The following RFX3 variants were observed in gnomAD, a reference collection of about 807,000 sequenced individuals.
RFX3 encodes transcription factor RFX3.
Under a neutral mutation model 98.6 loss-of-function variants are expected in RFX3, and 14 were observed. That is an observed-to-expected ratio of 0.14 (90% CI 0.09 to 0.22). RFX3 has a LOEUF of 0.22. Ranked by LOEUF, RFX3 falls within the 10% of genes least tolerant of loss-of-function variation. The pLI, the probability that RFX3 is intolerant of heterozygous loss-of-function variation, is 1.00. For missense variants in RFX3, 639 were observed against 926.9 expected (o/e 0.69, Z 4.03); for synonymous variants, 383 against 328.4 (o/e 1.17, Z -1.80).
chr9:3,366,718 CTTTCT>C (rs1837222095), intron 2 of RFX3, among the ~76,000 whole-genome samples: 2 of 90,366 alleles, frequency 2.2e-5, no homozygotes, highest in Non-Finnish European at 2.3e-5. Context: ...TTCTTTCTTT[CTTTCT>C]TTCTTTCTTT....
intron 14 of RFX3, among the ~76,000 whole-genome samples, chr9:3,254,819 A>T (rs1441784547): frequency 6.6e-6 from 1 of 152,198 alleles, no homozygotes; most frequent in African/African-American, 2.4e-5. Flanking sequence ...TGCTGTATCA[A>T]GGGAAAACTT....
chr9:3,316,769 T>C (rs750836813), intron 4 of RFX3, among the ~76,000 whole-genome samples: 10 of 152,114 alleles, frequency 6.6e-5, no homozygotes, highest in African/African-American at 2.4e-4. Flanking sequence ...CCATTCACAA[T>C]TGCATCAAAG....
chr9:3,478,517 G>T (rs118138217), intron 1 of RFX3, among the ~76,000 whole-genome samples: 2 of 150,130 alleles, frequency 1.3e-5, no homozygotes, highest in Non-Finnish European at 3.0e-5. Context: ...TCATTTAAAA[G>T]ATTTCCTTAA....
At position 3,377,910 on chromosome 9, in the gene RFX3, T is replaced by C. The variant is rs192773851; in HGVS notation, c.117+17562A>G. Among the ~76,000 whole-genome samples, 33 of 152,330 alleles carry C rather than the reference T, an allele frequency of 2.2e-4. No homozygotes were observed. The East Asian group carries it at 6.4e-3, about 29-fold the overall frequency. On this transcript the variant is annotated intron_variant, in intron 2 of 16. Coordinates refer to ENST00000617270, the MANE Select transcript of RFX3 (RefSeq NM_001282116.2). ...CGGTAGTTTCTGAATTTTTTTATTATGTTTGCTTCTTAGTTAAAAATATTT... is the reference window on the plus strand; with the variant it reads ...CGGTAGTTTCTGAATTTTTTTATTACGTTTGCTTCTTAGTTAAAAATATTT...
At chr9:3,353,208 GA>G (rs1415012075) in intron 2 of RFX3, among the ~76,000 whole-genome samples, 15 of 135,824 alleles carry the variant, frequency 1.1e-4, no homozygotes, top group African/African-American at 4.0e-4. Context: ...GGGGTAGGGG[GA>G]GGGGGGAGGG....
intron 14 of RFX3, among the ~76,000 whole-genome samples, chr9:3,249,286 A>G (rs1326906188): frequency 2.0e-5 from 3 of 152,156 alleles, no homozygotes; most frequent in Non-Finnish European, 4.4e-5. Flanking sequence ...ATCAAATTGT[A>G]TGCATTCAAC....
intron 2 of RFX3, among the ~76,000 whole-genome samples, chr9:3,388,954 A>C (rs1212477386): frequency 6.6e-6 from 1 of 152,158 alleles, no homozygotes; most frequent in African/African-American, 2.4e-5. Flanking sequence ...AGACAGAGAT[A>C]GTAGAGAGGA....
At chr9:3,322,808 T>A (rs1831464027) in intron 4 of RFX3, among the ~76,000 whole-genome samples, 1 of 152,230 alleles carries the variant, frequency 6.6e-6, no homozygotes, top group Admixed American at 6.5e-5. Context: ...TCATTCTCTA[T>A]GATTTTTATC....
At chr9:3,373,607 T>G (rs1838098527) in intron 2 of RFX3, among the ~76,000 whole-genome samples, 1 of 152,100 alleles carries the variant, frequency 6.6e-6, no homozygotes, top group Non-Finnish European at 1.5e-5. Context: ...CCTGGCCCCT[T>G]CAGGAATAAA....
intron 16 of RFX3, among the ~76,000 whole-genome samples, chr9:3,227,287 A>G (rs1817890574): frequency 6.6e-6 from 1 of 152,190 alleles, no homozygotes; most frequent in Non-Finnish European, 1.5e-5. Flanking sequence ...GGGTAGTGAG[A>G]AAATGGACTG....
intron 5 of RFX3, 122 bp downstream of exon 5, chr9:3,301,424 G>A (rs1407834542): frequency 3.4e-6 from 2 of 591,150 alleles, no homozygotes; most frequent in South Asian, 2.7e-5. Flanking sequence ...GATCATAAGG[G>A]GCTGAGAAGG....
chr9:3,452,411 G>A (rs73387720), intron 1 of RFX3: 169 of 284,556 alleles, frequency 5.9e-4, no homozygotes, highest in African/African-American at 3.4e-3. Flanking sequence ...GGCAACATAC[G>A]GAGACACCAG....
intron 1 of RFX3, among the ~76,000 whole-genome samples, chr9:3,504,944 A>G (rs866340688): frequency 1.2e-4 from 7 of 59,328 alleles, no homozygotes; most frequent in Admixed American, 9.7e-4. Flanking sequence ...TAATATATAT[A>G]ATATAATATA....
intron 7 of RFX3, among the ~76,000 whole-genome samples, chr9:3,282,979 A>G (rs1208850407): frequency 6.6e-6 from 1 of 151,834 alleles, no homozygotes; most frequent in African/African-American, 2.4e-5. Flanking sequence ...AATACTACTC[A>G]GGAGCATAAG....
chr9:3,418,001 G>A (rs1035487175), intron 1 of RFX3, among the ~76,000 whole-genome samples: 1 of 152,114 alleles, frequency 6.6e-6, no homozygotes, highest in Admixed American at 6.5e-5. Context: ...AAATAGATAT[G>A]CATATTTGTT....
Position 3,228,930 on chromosome 9 carries a change from C to T in RFX3, c.1969-41G>A, listed in dbSNP as rs371856893. The T allele has an allele frequency of 1.9e-5, 30 of 1,553,852 alleles. No individual in the cohort carries two copies. The African/African-American group carries it at 3.6e-4, about 18-fold the overall frequency. On this transcript the variant is annotated intron_variant, in intron 15 of 16. Transcript: ENST00000617270. ...CATTTGTGCAATAGTTAATATAGGG[C>T]AGAATAAAATAATACTCTATCAGTC...
At chr9:3,462,021 T>G (rs529490364) in intron 1 of RFX3, among the ~76,000 whole-genome samples, 2 of 152,120 alleles carry the variant, frequency 1.3e-5, no homozygotes, top group East Asian at 3.9e-4. Flanking sequence ...GATTCATAAT[T>G]AAGTTGGGGT....
chr9:3,486,846 T>C (rs1488914578), intron 1 of RFX3, among the ~76,000 whole-genome samples: 1 of 152,192 alleles, frequency 6.6e-6, no homozygotes, highest in Non-Finnish European at 1.5e-5. Context: ...ATTTTCTATG[T>C]GCACATAAGT....
intron 4 of RFX3, among the ~76,000 whole-genome samples, chr9:3,326,401 C>T (rs1831922620): frequency 6.6e-6 from 1 of 152,022 alleles, no homozygotes; most frequent in South Asian, 2.1e-4. Flanking sequence ...AAATGTGTGG[C>T]ATGGGGATTT....
Sources: gnomAD v4.1 joint callset for allele counts (sites outside exome capture counted in the v4.1 genomes callset) on GRCh38, gnomAD v4.1.1 for gene constraint, MANE v1.5 for transcripts, NCBI Gene and HGNC (gene_info 2026-07-23, HGNC 2026-07-21) for gene names.